Variants in NAA11 observed in about 807,000 individuals in gnomAD.
NAA11 encodes N-alpha-acetyltransferase 11.
A neutral mutation model predicts 16.1 loss-of-function variants in NAA11; 15 were observed. That is an observed-to-expected ratio of 0.93 (90% CI 0.62 to 1.44). The LOEUF (loss-of-function observed/expected upper bound fraction) is 1.44. NAA11 is among the 40% of genes most tolerant of loss of function. The pLI, the probability that NAA11 is intolerant of heterozygous loss-of-function variation, is 0.00. For missense variants in NAA11, 298 were observed against 291.3 expected (o/e 1.02, Z -0.17); for synonymous variants, 122 against 112.4 (o/e 1.09, Z -0.54).
At chr4:79,161,018 C>T in the NAA11 span, among the ~76,000 whole-genome samples, 2 of 151,904 alleles carry the variant, frequency 1.3e-5, no homozygotes. Context: ...TTGATTAATC[C>T]AAGATTACAA....
At chr4:79,241,754 G>A (rs933883883) in intron 2 of NAA11, among the ~76,000 whole-genome samples, 17 of 152,260 alleles carry the variant, frequency 1.1e-4, no homozygotes, top group African/African-American at 4.1e-4. Flanking sequence ...TGCATCACTT[G>A]TAAGTAAAAT....
the NAA11 span, among the ~76,000 whole-genome samples, chr4:79,219,879 G>A: frequency 2.6e-5 from 4 of 152,058 alleles, no homozygotes; most frequent in Admixed American, 2.6e-4. Context: ...GATAATATCT[G>A]GTCTATGTTC....
chr4:79,312,012 A>T (rs976439377), downstream of NAA11, among the ~76,000 whole-genome samples: 6 of 152,094 alleles, frequency 3.9e-5, no homozygotes, highest in African/African-American at 9.7e-5. Flanking sequence ...CCTTTCTTTC[A>T]CATTAATCTA....
chr4:79,169,083 C>A, the NAA11 span, among the ~76,000 whole-genome samples: 1 of 152,098 alleles, frequency 6.6e-6, no homozygotes, highest in African/African-American at 2.4e-5. Flanking sequence ...GAACTACAAA[C>A]CACTGCTCAA....
chr4:79,173,685 T>G, the NAA11 span, among the ~76,000 whole-genome samples: 2 of 151,954 alleles, frequency 1.3e-5, no homozygotes, highest in Middle Eastern at 3.4e-3. Context: ...GATATTCTCG[T>G]GGGGGAGAAC....
chr4:79,221,893 A>G (rs1318209015), downstream of NAA11, among the ~76,000 whole-genome samples: 5 of 124,702 alleles, frequency 4.0e-5, no homozygotes, highest in African/African-American at 1.4e-4. Flanking sequence ...GCCTCATAAA[A>G]TGAGTTAGGG....
the NAA11 span, among the ~76,000 whole-genome samples, chr4:79,213,423 T>G: frequency 6.6e-6 from 1 of 152,150 alleles, no homozygotes. Flanking sequence ...TTTCAAAACT[T>G]TATAAATTCA....
chr4:79,222,878 A>G (rs1183290576), downstream of NAA11, among the ~76,000 whole-genome samples: 2 of 152,016 alleles, frequency 1.3e-5, no homozygotes, highest in Admixed American at 6.6e-5. Context: ...TATGCAGCCA[A>G]AAGACACATG....
the NAA11 span, among the ~76,000 whole-genome samples, chr4:79,180,464 C>A: frequency 2.0e-5 from 3 of 152,028 alleles, no homozygotes; most frequent in African/African-American, 7.2e-5. Context: ...ATGCAGCCAA[C>A]AGACACAGGA....
intron 2 of NAA11, among the ~76,000 whole-genome samples, chr4:79,292,234 A>G (rs1723103419): frequency 6.6e-6 from 1 of 152,222 alleles, no homozygotes; most frequent in Admixed American, 6.5e-5. Flanking sequence ...TCAGAGGAGC[A>G]AACACTAGGC....
intron 2 of NAA11, among the ~76,000 whole-genome samples, chr4:79,249,520 C>T (rs993237192): frequency 6.6e-6 from 1 of 152,136 alleles, no homozygotes; most frequent in Non-Finnish European, 1.5e-5. Context: ...AATCTCAGGG[C>T]TCAAACACCG....
At chr4:79,300,892 G>A (rs188598138) in intron 1 of NAA11, among the ~76,000 whole-genome samples, 2 of 152,206 alleles carry the variant, frequency 1.3e-5, no homozygotes, top group East Asian at 3.9e-4. Flanking sequence ...GTATGATAAG[G>A]GCCTGAAAGG....
At chr4:79,243,948 T>C (rs1721749208) in intron 2 of NAA11, among the ~76,000 whole-genome samples, 1 of 152,236 alleles carries the variant, frequency 6.6e-6, no homozygotes, top group Non-Finnish European at 1.5e-5. Context: ...GGGTTCTCCT[T>C]ACCCTTGGGA....
At chr4:79,160,112 C>T in the NAA11 span, among the ~76,000 whole-genome samples, 2 of 151,874 alleles carry the variant, frequency 1.3e-5, no homozygotes, top group Admixed American at 6.6e-5. Context: ...CTGCCTCAGC[C>T]TCCCAAGTAG....
At chr4:79,163,684 G>A in the NAA11 span, among the ~76,000 whole-genome samples, 40 of 152,168 alleles carry the variant, frequency 2.6e-4, no homozygotes, top group Non-Finnish European at 4.0e-4. Flanking sequence ...TTTAAAGGTG[G>A]ATGCTTGGAA....
the NAA11 span, among the ~76,000 whole-genome samples, chr4:79,182,620 G>C: frequency 6.6e-6 from 1 of 152,144 alleles, no homozygotes; most frequent in Non-Finnish European, 1.5e-5. Context: ...GTCAGGCTTT[G>C]AGTGAGCTAA....
chr4:79,293,678 A>T (rs578056552), intron 2 of NAA11, among the ~76,000 whole-genome samples: 1 of 152,324 alleles, frequency 6.6e-6, no homozygotes, highest in African/African-American at 2.4e-5. Flanking sequence ...AAAATGAATT[A>T]AACTCAATCT....
chr4:79,221,675 A>G (rs927846091), downstream of NAA11, among the ~76,000 whole-genome samples: 6 of 96,456 alleles, frequency 6.2e-5, no homozygotes, highest in African/African-American at 1.8e-4. Flanking sequence ...GCTGGATTAC[A>G]TTTGTTGATT....
intron 2 of NAA11, among the ~76,000 whole-genome samples, chr4:79,231,655 A>G (rs1331815171): frequency 6.6e-6 from 1 of 151,954 alleles, no homozygotes; most frequent in Non-Finnish European, 1.5e-5. Context: ...AGCATAAAAA[A>G]GGGACAATTA....
Sources: gnomAD v4.1 joint callset for allele counts (sites outside exome capture counted in the v4.1 genomes callset) on GRCh38, gnomAD v4.1.1 for gene constraint, MANE v1.5 for transcripts, NCBI Gene and HGNC (gene_info 2026-07-23, HGNC 2026-07-21) for gene names.